Variants in SRD5A3 observed in about 807,000 individuals in gnomAD.
SRD5A3 encodes the protein polyprenal reductase.
A neutral mutation model predicts 34.3 loss-of-function variants in SRD5A3; 24 were observed. That is an observed-to-expected ratio of 0.70 (90% CI 0.51 to 0.99). The LOEUF is 0.99. Ranked by LOEUF, SRD5A3 falls within the 50% of genes least tolerant of loss-of-function variation. The probability of loss-of-function intolerance (pLI) is 0.00; values close to 1 mark genes in which losing one functional copy is unlikely to be tolerated. For missense variants in SRD5A3, 350 were observed against 388.2 expected (o/e 0.90, Z 0.83); for synonymous variants, 161 against 167.3 (o/e 0.96, Z 0.29).
At position 55,351,628 on chromosome 4, in the gene SRD5A3, G is replaced by A. The variant is rs139396746; in HGVS notation, c.221+5071G>A. Among the ~76,000 whole-genome samples the A allele has an allele frequency of 4.1e-3, 616 of 151,984 alleles. 3 individuals carry two copies. The highest frequency in any genetic ancestry group is 0.014 in the African/African-American group (585 of 41,430). ...GCCGAGACTGTGCCACTGCACTCCA[G>A]CCTGGGCAACAACAGCGAAACTTCA... On this transcript the variant is annotated intron_variant, in intron 1 of 4. Coordinates refer to ENST00000264228, the MANE Select transcript of SRD5A3 (RefSeq NM_024592.5).
intron 1 of SRD5A3, among the ~76,000 whole-genome samples, chr4:55,347,075 G>A (rs896104721): frequency 2.0e-5 from 3 of 152,228 alleles, no homozygotes; most frequent in Non-Finnish European, 4.4e-5. Flanking sequence ...AAAGGACTGA[G>A]TCGCCCTAAC....
intron 1 of SRD5A3, among the ~76,000 whole-genome samples, chr4:55,358,598 AT>A (rs1397252663): frequency 3.3e-5 from 5 of 151,016 alleles, no homozygotes; most frequent in South Asian, 4.2e-4. Context: ...CTTGTGCCAT[AT>A]TAGGTGATTT....
At position 55,346,461 on chromosome 4, in the gene SRD5A3, G is replaced by T. The variant is rs1342326402; in HGVS notation, c.125G>T (p.Gly42Val). Residue 42 changes from glycine to valine, a missense_variant, in exon 1 of 5, where the codon GGC (glycine) becomes GTC (valine). Around this residue, in one of 3 missense-constraint regions of SRD5A3, gnomAD observed 159 missense variants for 149.1 expected, o/e 1.07. Coordinates refer to ENST00000264228, the MANE Select transcript of SRD5A3 (RefSeq NM_024592.5). ...LQLLPPGLLP[G>V]CAIFQDLIRY... ...CTCCTGCCGCCCGGCCTGCTCCCGG[G>T]CTGCGCGATCTTCCAGGACCTGATC... 1 of 1,607,898 alleles carries T rather than the reference G, an allele frequency of 6.2e-7. No individual in the cohort carries two copies. The highest frequency in any genetic ancestry group is 2.3e-5 in the East Asian group (1 of 44,438).
At chr4:55,352,016 C>G in intron 1 of SRD5A3, 2 of 766,190 alleles carry the variant, frequency 2.6e-6, no homozygotes, top group Non-Finnish European at 4.9e-6. Flanking sequence ...ACATGGTAAT[C>G]CTTCAAATCT....
chr4:55,347,713 A>G (rs951060273), intron 1 of SRD5A3, among the ~76,000 whole-genome samples: 1 of 152,228 alleles, frequency 6.6e-6, no homozygotes, highest in Non-Finnish European at 1.5e-5. Flanking sequence ...CGCAGGCAAC[A>G]AAGGGACAAG....
rs1005797829 is a variant in SRD5A3, at chr4:55,346,262, C to G, written c.-75C>G. ...CCGCTAGGCTGAGACCGGTGCGCCG[C>G]GCGCTAGTGGCCGCTCTTCCGCGGG... On this transcript the variant is annotated 5_prime_UTR_variant, in exon 1 of 5. Coordinates refer to ENST00000264228, the MANE Select transcript of SRD5A3 (RefSeq NM_024592.5). 1 of 1,254,394 alleles carries G rather than the reference C, an allele frequency of 8.0e-7. No homozygotes were observed. Among genetic ancestry groups the G allele is most frequent in the Non-Finnish European group, 1.0e-6 (1 of 973,976 alleles). The allele number at this position is 1,254,394 out of a possible 1,614,324, so 77.7% of individuals were successfully genotyped here.
At chr4:55,360,390 C>G (rs1260944759) in intron 2 of SRD5A3, among the ~76,000 whole-genome samples, 1 of 151,774 alleles carries the variant, frequency 6.6e-6, no homozygotes, top group Non-Finnish European at 1.5e-5. Flanking sequence ...CTTGTAATCC[C>G]AGCTACTCGG....
In SRD5A3 at chr4:55,346,253, G is replaced by C. The variant is rs532409901; in HGVS notation, c.-84G>C. The C allele has an allele frequency of 2.9e-3, 3,424 of 1,171,582 alleles. 10 individuals carry two copies. Among genetic ancestry groups the C allele is most frequent in the Non-Finnish European group, 3.6e-3 (3,195 of 899,736 alleles). The allele number at this position is 1,171,582 out of a possible 1,614,324, so 72.6% of individuals were successfully genotyped here. A position where few individuals can be genotyped will look rare whatever the true frequency, so the allele number is the denominator to read the frequency against. On this transcript the variant is annotated 5_prime_UTR_variant, in exon 1 of 5. Transcript: ENST00000264228. ...ACCGACGTCCCGCTAGGCTGAGACC[G>C]GTGCGCCGCGCGCTAGTGGCCGCTC... is the stretch of plus-strand genomic sequence containing the variant.
At chr4:55,359,212 T>G (rs1032112555) in intron 1 of SRD5A3, 134 bp from the exon 2 acceptor site, 4 of 1,227,458 alleles carry the variant, frequency 3.3e-6, no homozygotes, top group Admixed American at 3.4e-5. Context: ...AGGATTCAGA[T>G]TCTATTAAAA....
intron 1 of SRD5A3, among the ~76,000 whole-genome samples, chr4:55,355,034 T>A (rs2109468034): frequency 6.6e-6 from 1 of 152,296 alleles, no homozygotes; most frequent in African/African-American, 2.4e-5. Context: ...GTGCTACAAG[T>A]AAGCAAAGTG....
At chr4:55,356,606 C>T (rs765218042) in intron 1 of SRD5A3, among the ~76,000 whole-genome samples, 4 of 152,050 alleles carry the variant, frequency 2.6e-5, no homozygotes. Flanking sequence ...GAACTACAGG[C>T]ATGCATCATC....
Position 55,346,331 on chromosome 4 carries a change from C to T in SRD5A3, c.-6C>T, listed in dbSNP as rs771229701. On this transcript the variant is annotated 5_prime_UTR_variant, in exon 1 of 5. Transcript: ENST00000264228. ...GCCAGCAGCGCGGAAGGCGGGCACG[C>T]GGGCCATGGCTCCCTGGGCGGAGGC... 302 of 1,439,062 alleles carry T rather than the reference C, an allele frequency of 2.1e-4. No individual in the cohort carries two copies. Among genetic ancestry groups the T allele is most frequent in the Admixed American group, 2.7e-4 (9 of 32,798 alleles). The allele number at this position is 1,439,062 out of a possible 1,614,324, so 89.1% of individuals were successfully genotyped here.
chr4:55,358,252 G>A (rs183007831), intron 1 of SRD5A3, among the ~76,000 whole-genome samples: 1 of 152,218 alleles, frequency 6.6e-6, no homozygotes, highest in Admixed American at 6.5e-5. Flanking sequence ...ATGAGGGGCT[G>A]GACATGGTGG....
Position 55,346,572 on chromosome 4 carries a change from G to A in SRD5A3, c.221+15G>A. 6.4e-7 allele frequency: 1 copy of A among 1,564,442 alleles called. No individual in the cohort carries two copies. On this transcript the variant is annotated intron_variant, in intron 1 of 4. Coordinates refer to ENST00000264228, the MANE Select transcript of SRD5A3 (RefSeq NM_024592.5). ...GTCCCCAAGAGGTAACCGCGCCCCG[G>A]TCCCGAGCCGCGGTGGTCAAGGCGC...
At position 55,367,626 on chromosome 4, in the gene SRD5A3, T is replaced by G; in HGVS notation, c.601T>G (p.Trp201Gly). ...GAAAAATCTATTGATGCAAGCACGGTGGTTCCATATTCTTGGGATGATGAT... is the reference window on the plus strand; with the variant it reads ...GAAAAATCTATTGATGCAAGCACGGGGGTTCCATATTCTTGGGATGATGAT... ...TGKNLLMQAR[W>G]FHILGMMMFI... The change falls in exon 4 of 5, where the codon TGG becomes GGG. Residue 201 changes from tryptophan (W) to glycine (G), a missense_variant. Physicochemically the swap from Trp to Gly is radical, Grantham distance 184. Coordinates refer to ENST00000264228, the MANE Select transcript of SRD5A3 (RefSeq NM_024592.5). 4 of 1,614,130 alleles carry G rather than the reference T, an allele frequency of 2.5e-6. No homozygotes were observed. The highest frequency in any genetic ancestry group is 3.4e-6 in the Non-Finnish European group (4 of 1,180,010).
At position 55,346,349 on chromosome 4, in the gene SRD5A3, G is replaced by A; in HGVS notation, c.13G>A (p.Ala5Thr). MAPW[A>T]EAEHSALNPL... ...GGGCACGCGGGCCATGGCTCCCTGG[G>A]CGGAGGCCGAGCACTCGGCGCTGAA... is the stretch of plus-strand genomic sequence containing the variant. The change falls in exon 1 of 5, where the codon GCG becomes ACG. Residue 5 changes from alanine to threonine, a missense_variant. By Grantham distance (58) the Ala-to-Thr change is moderately conservative. This residue lies in a region of SRD5A3 where 159 missense variants were observed against 149.1 expected (regional missense o/e 1.07). Coordinates refer to ENST00000264228, the MANE Select transcript of SRD5A3 (RefSeq NM_024592.5). 6.6e-7 allele frequency: 1 copy of A among 1,513,302 alleles called. No individual in the cohort carries two copies. The highest frequency in any genetic ancestry group is 1.2e-5 in the South Asian group (1 of 80,646). 93.7% of individuals were successfully genotyped at this position (1,513,302 alleles called of 1,614,324 possible). A position where few individuals can be genotyped will look rare whatever the true frequency, so the allele number is the denominator to read the frequency against.
rs1720146577 is a variant in SRD5A3 at position 55,372,018 on chromosome 4, C to T, written c.*1927C>T. 1 of 152,134 alleles carries T rather than the reference C, an allele frequency of 6.6e-6. No individual in the cohort carries two copies. Among genetic ancestry groups the T allele is most frequent in the Non-Finnish European group, 1.5e-5 (1 of 68,026 alleles). 9.4% of individuals were successfully genotyped at this position (152,134 alleles called of 1,614,324 possible). ...GATGGAGGATTTTCTCTCCCATCAA[C>T]CAAACACCACTTAAGATTAACCTGT... On this transcript the variant is annotated 3_prime_UTR_variant, in exon 5 of 5. Transcript: ENST00000264228.
rs1720053491 is a variant in SRD5A3 at position 55,369,822 on chromosome 4, A to G, written c.698-10A>G. The G allele has an allele frequency of 6.2e-7, 1 of 1,613,736 alleles. No homozygotes were observed. Among genetic ancestry groups the G allele is most frequent in the African/African-American group, 1.3e-5 (1 of 74,824 alleles). On this transcript the variant is annotated splice_polypyrimidine_tract_variant and intron_variant, in intron 4 of 4. Coordinates refer to ENST00000264228, the MANE Select transcript of SRD5A3 (RefSeq NM_024592.5). The stretch of plus-strand genomic sequence containing the variant: ...TTAAATGCTTATGAGATCTTCTTTT[A>G]CCCTTTCAGGAGTGGTCATTCACTG...
intron 2 of SRD5A3, among the ~76,000 whole-genome samples, chr4:55,362,618 C>A (rs547324376): frequency 1.4e-5 from 2 of 147,974 alleles, no homozygotes; most frequent in East Asian, 2.0e-4. Context: ...CTATGCCCAG[C>A]TAATTTTTTT....
Sources: allele counts gnomAD v4.1 joint callset (sites outside exome capture counted in the v4.1 genomes callset), GRCh38; gene constraint gnomAD v4.1.1; regional missense constraint gnomAD v4.1.1; transcripts MANE v1.5; gene names NCBI Gene and HGNC (gene_info 2026-07-23, HGNC 2026-07-21).